Variants in SIPA1L1 observed in about 807,000 individuals in gnomAD.
SIPA1L1 encodes signal induced proliferation associated 1 like 1.
SIPA1L1 carries 26 observed loss-of-function variants against 162.7 expected under a neutral mutation model. The observed-to-expected ratio is 0.16, with a 90% confidence interval of 0.12 to 0.22. The LOEUF (loss-of-function observed/expected upper bound fraction) is 0.22, where lower values mean the gene tolerates loss of function less well. SIPA1L1 is among the 10% of genes least tolerant of loss of function. The pLI, the probability that SIPA1L1 is intolerant of heterozygous loss-of-function variation, is 1.00. For missense variants in SIPA1L1, 1,874 were observed against 2,241.0 expected (o/e 0.84, Z 3.31); for synonymous variants, 829 against 837.4 (o/e 0.99, Z 0.17).
chr14:71,553,104 G>A (rs1047627421), intron 4 of SIPA1L1, among the ~76,000 whole-genome samples: 1 of 152,130 alleles, frequency 6.6e-6, no homozygotes, highest in African/African-American at 2.4e-5. Context: ...TCTAAGCAAT[G>A]AATACTTTTT....
At chr14:71,605,078 C>CT (rs1567295856) in intron 5 of SIPA1L1, among the ~76,000 whole-genome samples, 1 of 151,564 alleles carries the variant, frequency 6.6e-6, no homozygotes, top group African/African-American at 2.4e-5. Flanking sequence ...TTTTTTTATT[C>CT]TTTTTTTGCA....
intron 2 of SIPA1L1, among the ~76,000 whole-genome samples, chr14:71,395,025 C>A (rs2141413695): frequency 6.6e-6 from 1 of 152,212 alleles, no homozygotes; most frequent in Admixed American, 6.5e-5. Flanking sequence ...TCTATAAAGG[C>A]ATAATTATAG....
At chr14:71,651,030 G>A (rs1217634795) in intron 8 of SIPA1L1, among the ~76,000 whole-genome samples, 1 of 151,970 alleles carries the variant, frequency 6.6e-6, no homozygotes, top group Admixed American at 6.6e-5. Context: ...TTTAGCTTTG[G>A]TATTAGTTTA....
intron 2 of SIPA1L1, among the ~76,000 whole-genome samples, chr14:71,368,104 T>G (rs1342030643): frequency 4.6e-5 from 7 of 150,998 alleles, no homozygotes; most frequent in African/African-American, 1.7e-4. Flanking sequence ...AGCTTTTATG[T>G]TTTTTGTACA....
chr14:71,595,791 C>G (rs1019417260), intron 5 of SIPA1L1, among the ~76,000 whole-genome samples: 2 of 152,120 alleles, frequency 1.3e-5, no homozygotes, highest in African/African-American at 2.4e-5. Context: ...TAAATTAAAG[C>G]TTCTTTGATG....
intron 2 of SIPA1L1, among the ~76,000 whole-genome samples, chr14:71,504,194 G>A (rs1031916216): frequency 2.0e-5 from 3 of 152,052 alleles, no homozygotes; most frequent in Non-Finnish European, 4.4e-5. Flanking sequence ...TTAAATGAAA[G>A]TATGCTGTTT....
intron 4 of SIPA1L1, among the ~76,000 whole-genome samples, chr14:71,573,224 C>T (rs545963014): frequency 2.6e-5 from 4 of 152,182 alleles, no homozygotes; most frequent in Admixed American, 6.5e-5. Context: ...AAAACATAAA[C>T]GAATTAAAAA....
At position 71,624,100 on chromosome 14, in the gene SIPA1L1, A is replaced by T; in HGVS notation, c.1682A>T (p.Lys561Met). ...VLEDAIPSTA[K>M]HSTARGLPLK... Reference sequence around the variant, plus strand: ...GAGGACGCCATTCCGTCGACAGCCAAGCACTCGACAGCCAGAGGCCTGCCT... The same window carrying T: ...GAGGACGCCATTCCGTCGACAGCCATGCACTCGACAGCCAGAGGCCTGCCT... The change falls in exon 7 of 24, where the codon AAG (lysine) becomes ATG (methionine). Residue 561 changes from lysine to methionine, a missense_variant. By Grantham distance (95) the Lys-to-Met change is moderately conservative (BLOSUM62 -1). This residue lies in a region of SIPA1L1 where 685 missense variants were observed against 828.0 expected (regional missense o/e 0.83). Coordinates refer to ENST00000381232, the MANE Select transcript of SIPA1L1 (RefSeq NM_001386936.1). 1 of 1,614,068 alleles carries T rather than the reference A, an allele frequency of 6.2e-7. No homozygotes were observed. The highest frequency in any genetic ancestry group is 8.5e-7 in the Non-Finnish European group (1 of 1,179,930).
At chr14:71,520,407 T>C (rs527894396) in intron 3 of SIPA1L1, among the ~76,000 whole-genome samples, 6 of 152,226 alleles carry the variant, frequency 3.9e-5, no homozygotes, top group Non-Finnish European at 5.9e-5. Flanking sequence ...TATTTTTAAA[T>C]AAATGTTATT....
intron 7 of SIPA1L1, among the ~76,000 whole-genome samples, chr14:71,626,153 A>G (rs115813428): frequency 1.4e-3 from 210 of 152,346 alleles, no homozygotes; most frequent in Non-Finnish European, 2.5e-3. Context: ...ATCATAATAT[A>G]TGATAGTTGT....
At chr14:71,737,128 C>A (rs989765811) in intron 22 of SIPA1L1, among the ~76,000 whole-genome samples, 4 of 152,182 alleles carry the variant, frequency 2.6e-5, no homozygotes, top group African/African-American at 9.7e-5. Flanking sequence ...GATTGGAGGT[C>A]ATGGTCACTC....
chr14:71,725,575 A>G (rs1176790436), intron 19 of SIPA1L1, among the ~76,000 whole-genome samples: 1 of 152,124 alleles, frequency 6.6e-6, no homozygotes, highest in African/African-American at 2.4e-5. Context: ...GACCACATGG[A>G]AAGGTTTGTG....
At position 71,451,632 on chromosome 14, in the gene SIPA1L1, C is replaced by CAA. The variant is rs762968378; in HGVS notation, c.-464-61092_-464-61091dup. Among the ~76,000 whole-genome samples, 104 of 54,266 alleles carry CAA rather than the reference C, an allele frequency of 1.9e-3. 1 individual carries two copies. The highest frequency in any genetic ancestry group is 7.7e-3 in the Middle Eastern group (1 of 130). The allele number at this position is 54,266 out of a possible 152,430, so 35.6% of individuals were successfully genotyped here. On this transcript the variant is annotated intron_variant, in intron 2 of 23. Coordinates refer to ENST00000381232, the MANE Select transcript of SIPA1L1 (RefSeq NM_001386936.1). ...CCTGGGTAACAGCGAGACCTTGTCTCAAAAAAAAAAAAAAAAAAAAGAAAA... is the reference window on the plus strand; with the variant it reads ...CCTGGGTAACAGCGAGACCTTGTCTCAAAAAAAAAAAAAAAAAAAAAAGAAAA...
At chr14:71,484,290 T>A (rs2142835347) in intron 2 of SIPA1L1, among the ~76,000 whole-genome samples, 2 of 151,382 alleles carry the variant, frequency 1.3e-5, no homozygotes, top group Non-Finnish European at 3.0e-5. Context: ...TTTTTTTTTT[T>A]AACTTTCTCA....
chr14:71,677,852 T>G (rs1015541467), intron 12 of SIPA1L1, among the ~76,000 whole-genome samples: 1 of 152,228 alleles, frequency 6.6e-6, no homozygotes, highest in African/African-American at 2.4e-5. Context: ...TTGGTACCAG[T>G]ACCATGCTGT....
In SIPA1L1 at chr14:71,400,247, A is replaced by C. The variant is rs114217944; in HGVS notation, c.-465+79066A>C. Among the ~76,000 whole-genome samples the C allele has an allele frequency of 1.8e-3, 281 of 152,288 alleles. 1 individual carries two copies. Among genetic ancestry groups the C allele is most frequent in the African/African-American group, 6.4e-3 (266 of 41,560 alleles). On this transcript the variant is annotated intron_variant, in intron 2 of 23. Coordinates refer to ENST00000381232, the MANE Select transcript of SIPA1L1 (RefSeq NM_001386936.1). ...GTGGCATACTTTGTAAGGTGCCTTG[A>C]GAACCTGTGCTTTTCTCTGGGGGAT...
intron 5 of SIPA1L1, among the ~76,000 whole-genome samples, chr14:71,601,684 A>G (rs1336659311): frequency 6.6e-6 from 1 of 152,094 alleles, no homozygotes; most frequent in Non-Finnish European, 1.5e-5. Context: ...TATAAGTTTG[A>G]TAGAATTCAA....
At chr14:71,420,393 G>C (rs1567000297) in intron 2 of SIPA1L1, among the ~76,000 whole-genome samples, 1 of 152,126 alleles carries the variant, frequency 6.6e-6, no homozygotes, top group Non-Finnish European at 1.5e-5. Context: ...CCATCTGACT[G>C]TCTGTCTGCC....
chr14:71,694,808 C>G (rs527250912), intron 13 of SIPA1L1, among the ~76,000 whole-genome samples: 1 of 152,288 alleles, frequency 6.6e-6, no homozygotes, highest in South Asian at 2.1e-4. Flanking sequence ...GCAGAAAGAT[C>G]TGGATTTATC....
Sources: gnomAD v4.1 joint callset for allele counts (sites outside exome capture counted in the v4.1 genomes callset) on GRCh38, gnomAD v4.1.1 for gene constraint, gnomAD v4.1.1 regional missense constraint, MANE v1.5 for transcripts, NCBI Gene and HGNC (gene_info 2026-07-23, HGNC 2026-07-21) for gene names.